Variants in PTPRQ observed in about 807,000 individuals in gnomAD.
PTPRQ encodes protein tyrosine phosphatase receptor type Q, also known as phosphatidylinositol phosphatase PTPRQ.
Under a neutral mutation model 246.0 loss-of-function variants are expected in PTPRQ, and 199 were observed. The observed-to-expected ratio is 0.81, with a 90% CI of 0.72 to 0.91. PTPRQ has a LOEUF of 0.91. Among genes scored for constraint, PTPRQ ranks in the 40% least tolerant of loss-of-function variants. PTPRQ has a pLI of 0.00. For missense variants in PTPRQ, 2,624 were observed against 2,528.4 expected (o/e 1.04, Z -0.81); for synonymous variants, 869 against 853.2 (o/e 1.02, Z -0.32).
intron 21 of PTPRQ, 73 bp from the exon 22 acceptor site, chr12:80,542,016 A>G (rs746015877): frequency 3.1e-5 from 46 of 1,498,292 alleles, no homozygotes; most frequent in Non-Finnish European, 3.8e-5. Flanking sequence ...ATCAAATCCC[A>G]TTATGATTGA....
At chr12:80,448,347 T>A (rs998821407) in intron 3 of PTPRQ, among the ~76,000 whole-genome samples, 4 of 152,084 alleles carry the variant, frequency 2.6e-5, no homozygotes, top group African/African-American at 9.7e-5. Context: ...ACAAAGATAG[T>A]ATGCTTCCTG....
chr12:80,596,376 A>G (rs1324282472), intron 26 of PTPRQ, among the ~76,000 whole-genome samples: 1 of 152,054 alleles, frequency 6.6e-6, no homozygotes, highest in Non-Finnish European at 1.5e-5. Flanking sequence ...AAGTTGTAGC[A>G]AAATCACTAA....
chr12:80,498,807 G>A (rs1031588557), intron 14 of PTPRQ, among the ~76,000 whole-genome samples: 1 of 151,982 alleles, frequency 6.6e-6, no homozygotes, highest in African/African-American at 2.4e-5. Context: ...AGTGGCCATA[G>A]CATCAAGAAC....
At chr12:80,673,858 A>G (rs1901052287) in intron 43 of PTPRQ, among the ~76,000 whole-genome samples, 1 of 152,114 alleles carries the variant, frequency 6.6e-6, no homozygotes, top group African/African-American at 2.4e-5. Context: ...TTTTTATTTT[A>G]AAAAATCACA....
intron 22 of PTPRQ, 80 bp downstream of exon 22, chr12:80,542,444 A>G: frequency 1.4e-6 from 2 of 1,469,408 alleles, no homozygotes; most frequent in South Asian, 1.4e-5. Flanking sequence ...AGCATGGAAT[A>G]TGAAAGGATA....
intron 14 of PTPRQ, among the ~76,000 whole-genome samples, chr12:80,496,828 C>A (rs1894641214): frequency 6.6e-6 from 1 of 151,976 alleles, no homozygotes; most frequent in South Asian, 2.1e-4. Context: ...GATTGAATGG[C>A]TACTTGCTTT....
intron 18 of PTPRQ, among the ~76,000 whole-genome samples, chr12:80,534,566 T>C (rs2120807821): frequency 6.6e-6 from 1 of 152,204 alleles, no homozygotes; most frequent in East Asian, 1.9e-4. Flanking sequence ...TTCTAAGTTA[T>C]ATTAGAATTT....
intron 25 of PTPRQ, among the ~76,000 whole-genome samples, chr12:80,556,062 C>T (rs185069137): frequency 1.9e-4 from 29 of 152,112 alleles, no homozygotes; most frequent in African/African-American, 5.8e-4. Context: ...GAGTCTTGCT[C>T]TGTTGTCCAG....
chr12:80,519,519 C>T (rs1033454886), intron 17 of PTPRQ, among the ~76,000 whole-genome samples: 1 of 152,024 alleles, frequency 6.6e-6, no homozygotes, highest in African/African-American at 2.4e-5. Flanking sequence ...CCAGCAAAGA[C>T]CGGAGATGGG....
chr12:80,521,560 C>A (rs529734073), intron 17 of PTPRQ, among the ~76,000 whole-genome samples: 1 of 151,944 alleles, frequency 6.6e-6, no homozygotes, highest in African/African-American at 2.4e-5. Context: ...GGAAGGGATC[C>A]AGTTTCAGCT....
At chr12:80,503,201 G>T (rs1216064439) in intron 14 of PTPRQ, among the ~76,000 whole-genome samples, 1 of 151,784 alleles carries the variant, frequency 6.6e-6, no homozygotes, top group African/African-American at 2.4e-5. Context: ...TTTCTCAGCA[G>T]GTCCAAGATT....
intron 17 of PTPRQ, among the ~76,000 whole-genome samples, chr12:80,529,104 A>G (rs1006621898): frequency 6.6e-6 from 1 of 152,210 alleles, no homozygotes. Flanking sequence ...TATTTAATAC[A>G]TAATCACTAG....
chr12:80,574,006 T>G (rs1897219656), intron 25 of PTPRQ, among the ~76,000 whole-genome samples: 1 of 152,186 alleles, frequency 6.6e-6, no homozygotes, highest in Admixed American at 6.5e-5. Context: ...ATAAAATATT[T>G]AACTACGATT....
In PTPRQ at chr12:80,458,170, C is replaced by A. The variant is rs118030698; in HGVS notation, c.460+526C>A. On this transcript the variant is annotated intron_variant, in intron 4 of 44. Coordinates refer to ENST00000644991, the MANE Select transcript of PTPRQ (RefSeq NM_001145026.2). ...TAAGATACCTCCATTCTTCCAGGGG[C>A]ATAGAGGAAAAATCTTGATGTCACC... Among the ~76,000 whole-genome samples the A allele has an allele frequency of 2.9e-4, 44 of 152,148 alleles. 1 individual carries two copies. The East Asian group carries it at 8.3e-3, about 29-fold the overall frequency.
At chr12:80,456,635 G>T (rs1892991426) in intron 3 of PTPRQ, among the ~76,000 whole-genome samples, 1 of 151,980 alleles carries the variant, frequency 6.6e-6, no homozygotes, top group African/African-American at 2.4e-5. Flanking sequence ...CTTATTTAAG[G>T]TCTATTGGGA....
chr12:80,538,831 C>T (rs1353582543), intron 19 of PTPRQ, among the ~76,000 whole-genome samples: 1 of 151,842 alleles, frequency 6.6e-6, no homozygotes, highest in Non-Finnish European at 1.5e-5. Context: ...TCATCTAATC[C>T]TCACAAGTTG....
chr12:80,646,195 A>G (rs1900067146), intron 35 of PTPRQ, among the ~76,000 whole-genome samples: 1 of 152,186 alleles, frequency 6.6e-6, no homozygotes, highest in African/African-American at 2.4e-5. Context: ...CATACTATTG[A>G]TAGTAACCAA....
chr12:80,467,871 G>T (rs1017061527), intron 6 of PTPRQ, among the ~76,000 whole-genome samples: 27 of 152,190 alleles, frequency 1.8e-4, no homozygotes, highest in African/African-American at 6.3e-4. Context: ...GTGGGGGCAG[G>T]GGGGAGGTAT....
Position 80,669,105 on chromosome 12 carries a change from A to G in PTPRQ, c.6291A>G (p.Thr2097=), listed in dbSNP as rs1291432741. ...TGGTGTGGGAAACCAGAGCAAAAAC[A>G]TTAGTAATGCTAACACAGTGTTTTG... is the stretch of plus-strand genomic sequence containing the variant. ...WRMVWETRAK[T]LVMLTQCFEK... is the part of the protein sequence containing the mutation. The change falls in exon 40 of 45, where the codon ACA becomes ACG. Residue 2097 remains threonine (T), a synonymous_variant. Coordinates refer to ENST00000644991, the MANE Select transcript of PTPRQ (RefSeq NM_001145026.2). 2 of 1,550,534 alleles carry G rather than the reference A, an allele frequency of 1.3e-6. No individual in the cohort carries two copies. The highest frequency in any genetic ancestry group is 2.4e-5 in the South Asian group (2 of 83,934).
Sources: gnomAD v4.1 joint callset for allele counts (sites outside exome capture counted in the v4.1 genomes callset) on GRCh38, gnomAD v4.1.1 for gene constraint, MANE v1.5 for transcripts, NCBI Gene and HGNC (gene_info 2026-07-23, HGNC 2026-07-21) for gene names.